The following SLCO5A1 variants were observed in gnomAD, a reference collection of about 807,000 sequenced individuals.
SLCO5A1 encodes the protein organic anion transporter polypeptide-related protein 4.
Under a neutral mutation model 65.1 loss-of-function variants are expected in SLCO5A1, and 39 were observed. The observed-to-expected ratio is 0.60, with a 90% CI of 0.46 to 0.78. The LOEUF is 0.78. Ranked by LOEUF, SLCO5A1 falls within the 30% of genes least tolerant of loss-of-function variation. The pLI is 0.00. For synonymous variants in SLCO5A1, 438 were observed against 415.7 expected (o/e 1.05, Z -0.65); for missense variants, 1,029 against 1,069.4 (o/e 0.96, Z 0.53).
intron 2 of SLCO5A1, chr8:69,794,142 T>G: frequency 4.2e-6 from 1 of 239,416 alleles, no homozygotes; most frequent in Non-Finnish European, 8.3e-6. Context: ...ACAGAACAGG[T>G]GGCAGGGAGA....
rs772768483 is a variant in SLCO5A1 at position 69,705,160 on chromosome 8, A to G, written c.1493T>C (p.Leu498Pro). 9 of 1,614,200 alleles carry G rather than the reference A, an allele frequency of 5.6e-6. No individual in the cohort carries two copies. The highest frequency in any genetic ancestry group is 5.9e-6 in the Non-Finnish European group (7 of 1,180,030). Reference protein sequence around the residue: ...LGGYIIKKLKLGARESAKLAM... With the variant: ...LGGYIIKKLKPGARESAKLAM... ...TAGTTTTGCAGATTCTCTGGCACCA[A>G]GTTTCAATTTTTTTATAATGTAGCC... The change falls in exon 6 of 10, where the codon CTT (leucine) becomes CCT (proline). Residue 498 changes from leucine to proline, a missense_variant. This residue lies in a region of SLCO5A1 where 647 missense variants were observed against 647.5 expected (regional missense o/e 1.00). Transcript: ENST00000260126.
intron 5 of SLCO5A1, among the ~76,000 whole-genome samples, chr8:69,728,295 C>T (rs1816179309): frequency 6.6e-6 from 1 of 151,910 alleles, no homozygotes; most frequent in Non-Finnish European, 1.5e-5. Context: ...TAAATGGCTT[C>T]CTATAGAGAG....
chr8:69,733,259 G>T (rs761616214), intron 5 of SLCO5A1, among the ~76,000 whole-genome samples: 6 of 152,272 alleles, frequency 3.9e-5, no homozygotes, highest in Non-Finnish European at 8.8e-5. Context: ...ACTGTGATAT[G>T]ATCGGGTTGT....
intron 5 of SLCO5A1, among the ~76,000 whole-genome samples, chr8:69,721,506 G>A (rs980642949): frequency 2.6e-5 from 4 of 152,282 alleles, no homozygotes; most frequent in Middle Eastern, 3.4e-3. Context: ...GGCCTAGACT[G>A]TTATCTGATT....
chr8:69,743,845 AC>A (rs1356371704), intron 4 of SLCO5A1, among the ~76,000 whole-genome samples: 2 of 151,880 alleles, frequency 1.3e-5, no homozygotes, highest in Admixed American at 1.3e-4. Flanking sequence ...CTGGCCAAAA[AC>A]CCCTTGGCTT....
chr8:69,675,638 C>T (rs1024980908), intron 9 of SLCO5A1, among the ~76,000 whole-genome samples: 2 of 152,116 alleles, frequency 1.3e-5, no homozygotes, highest in African/African-American at 2.4e-5. Context: ...TGAAAATGCT[C>T]ATTCTTGGAC....
chr8:69,683,699 A>T (rs1336245871), intron 6 of SLCO5A1, among the ~76,000 whole-genome samples: 1 of 151,880 alleles, frequency 6.6e-6, no homozygotes, highest in East Asian at 1.9e-4. Flanking sequence ...AGTGGCTGGG[A>T]TTACAGGCAC....
At chr8:69,809,472 A>C (rs988147631) in intron 2 of SLCO5A1, among the ~76,000 whole-genome samples, 3 of 152,328 alleles carry the variant, frequency 2.0e-5, no homozygotes, top group Non-Finnish European at 4.4e-5. Flanking sequence ...AATTTTAAAA[A>C]GAAAGAAGGA....
At position 69,775,010 on chromosome 8, in the gene SLCO5A1, G is replaced by C. The variant is rs148199544; in HGVS notation, c.908-13135C>G. The stretch of plus-strand genomic sequence containing the variant: ...AGAGGCCTTTGATCTCAGTTATTTT[G>C]TGCAGCAATTTTTTTTTTATTTTAA... On this transcript the variant is annotated intron_variant, in intron 2 of 9. Coordinates refer to ENST00000260126, the MANE Select transcript of SLCO5A1 (RefSeq NM_030958.3). Among the ~76,000 whole-genome samples the C allele has an allele frequency of 3.2e-3, 489 of 152,218 alleles. 2 individuals are homozygous for C. Among genetic ancestry groups the C allele is most frequent in the Middle Eastern group, 0.01 (3 of 294 alleles).
Position 69,672,095 on chromosome 8 carries a change from T to C in SLCO5A1, c.*774A>G, listed in dbSNP as rs1586665073. On this transcript the variant is annotated 3_prime_UTR_variant, in exon 10 of 10. Coordinates refer to ENST00000260126, the MANE Select transcript of SLCO5A1 (RefSeq NM_030958.3). ...ATATTGTTTAGCACACTAGTTTTAA[T>C]GCTCCTTACAAAAGAATACTGGAGT... 1 of 152,276 alleles carries C rather than the reference T, an allele frequency of 6.6e-6. No homozygotes were observed. Among genetic ancestry groups the C allele is most frequent in the Non-Finnish European group, 1.5e-5 (1 of 68,050 alleles). 9.4% of individuals were successfully genotyped at this position (152,276 alleles called of 1,614,324 possible).
In SLCO5A1 at chr8:69,669,231, A is replaced by C. The variant is rs1586662849; in HGVS notation, c.*3638T>G. The C allele has an allele frequency of 6.6e-6, 1 of 152,334 alleles. No homozygotes were observed. Among genetic ancestry groups the C allele is most frequent in the South Asian group, 2.1e-4 (1 of 4,828 alleles). 9.4% of individuals were successfully genotyped at this position (152,334 alleles called of 1,614,324 possible). On this transcript the variant is annotated 3_prime_UTR_variant, in exon 10 of 10. Coordinates refer to ENST00000260126, the MANE Select transcript of SLCO5A1 (RefSeq NM_030958.3). ...TACCTTGAAAATCTAGTTAAACATT[A>C]AATCTTGATATTTCCTACAGATGTT...
At chr8:69,742,663 C>T (rs1276951449) in intron 4 of SLCO5A1, among the ~76,000 whole-genome samples, 2 of 152,124 alleles carry the variant, frequency 1.3e-5, no homozygotes, top group African/African-American at 4.8e-5. Flanking sequence ...TCATCACGTG[C>T]ACACGGACCT....
intron 4 of SLCO5A1, among the ~76,000 whole-genome samples, chr8:69,742,388 A>G (rs182502121): frequency 1.3e-5 from 2 of 152,300 alleles, no homozygotes; most frequent in Admixed American, 1.3e-4. Context: ...ATGATGAAGG[A>G]GAGATGATGA....
At chr8:69,743,988 G>T (rs1031663526) in intron 4 of SLCO5A1, among the ~76,000 whole-genome samples, 1 of 152,090 alleles carries the variant, frequency 6.6e-6, no homozygotes, top group Non-Finnish European at 1.5e-5. Flanking sequence ...AGTGACTGTG[G>T]AGCTCAATGG....
In SLCO5A1 at chr8:69,673,089, G is replaced by A. The variant is rs201712813; in HGVS notation, c.2327C>T (p.Pro776Leu). 7.7e-5 allele frequency: 125 copies of A among 1,614,220 alleles called. No individual in the cohort carries two copies. The highest frequency in any genetic ancestry group is 3.3e-4 in the Middle Eastern group (2 of 6,062). ...CACTCTCTCACTCACGGTGCTCAGG[G>A]GAAATTCTCTCTGCCTCCGCCTCTG... The part of the protein sequence containing the change: ...GLQRRRQREF[P>L]LSTVSERVGH... The change falls in exon 10 of 10, where the codon CCC becomes CTC. Residue 776 changes from proline (P) to leucine (L), a missense_variant. By Grantham distance (98) the Pro-to-Leu change is moderately conservative (BLOSUM62 -3). This residue lies in a region of SLCO5A1 where 258 missense variants were observed against 237.4 expected (regional missense o/e 1.09). Coordinates refer to ENST00000260126, the MANE Select transcript of SLCO5A1 (RefSeq NM_030958.3).
At chr8:69,714,751 G>T (rs1366883833) in intron 5 of SLCO5A1, 1 of 152,192 alleles carries the variant, frequency 6.6e-6, no homozygotes, top group Non-Finnish European at 1.5e-5. Flanking sequence ...GACTTCAACA[G>T]GGAGATATTT....
In SLCO5A1 at chr8:69,832,789, G is replaced by A; in HGVS notation, c.-116C>T. On this transcript the variant is annotated 5_prime_UTR_variant, in exon 2 of 10. Coordinates refer to ENST00000260126, the MANE Select transcript of SLCO5A1 (RefSeq NM_030958.3). This position sits in a 1 kb window ranked among gnomAD's most constrained non-coding sequence, Gnocchi z 4.5. The stretch of plus-strand genomic sequence containing the variant: ...TCAGTCTTGCCCACCTGGGACTGGG[G>A]CTGGGGGCGCAGGGCCGCGCAGCAG... 4.0e-6 allele frequency: 5 copies of A among 1,264,808 alleles called. No homozygotes were observed. The highest frequency in any genetic ancestry group is 1.5e-5 in the South Asian group (1 of 66,596). The allele number at this position is 1,264,808 out of a possible 1,614,324, so 78.3% of individuals were successfully genotyped here. A position where few individuals can be genotyped will look rare whatever the true frequency, so the allele number is the denominator to read the frequency against.
intron 5 of SLCO5A1, among the ~76,000 whole-genome samples, 179 bp from the exon 6 acceptor site, chr8:69,705,408 C>T (rs566208982): frequency 2.0e-4 from 30 of 152,276 alleles, no homozygotes; most frequent in African/African-American, 6.5e-4. Context: ...CAATCAACAA[C>T]GGACTCACAT....
At position 69,759,774 on chromosome 8, in the gene SLCO5A1, T is replaced by C. The variant is rs181736127; in HGVS notation, c.1040+1969A>G. Among the ~76,000 whole-genome samples the C allele has an allele frequency of 4.8e-4, 73 of 152,276 alleles. 1 individual carries two copies. In the East Asian group the frequency reaches 0.012, roughly 26 times the overall value. ...GATTCTCCTGCCTCAGCCTCTCAAGTAGCTGGGACTACAGGCATGCGCCAC... is the reference window on the plus strand; with the variant it reads ...GATTCTCCTGCCTCAGCCTCTCAAGCAGCTGGGACTACAGGCATGCGCCAC... On this transcript the variant is annotated intron_variant, in intron 3 of 9. Coordinates refer to ENST00000260126, the MANE Select transcript of SLCO5A1 (RefSeq NM_030958.3).
Sources: allele counts gnomAD v4.1 joint callset (sites outside exome capture counted in the v4.1 genomes callset), GRCh38; gene constraint gnomAD v4.1.1; regional missense constraint gnomAD v4.1.1; non-coding constraint Gnocchi (gnomAD v3.1); transcripts MANE v1.5; gene names NCBI Gene and HGNC (gene_info 2026-07-23, HGNC 2026-07-21).